The following SKAP1 variants were observed in gnomAD, a reference collection of about 807,000 sequenced individuals.
The protein encoded by SKAP1 is src kinase-associated phosphoprotein 1.
Under a neutral mutation model 58.5 loss-of-function variants are expected in SKAP1, and 44 were observed. The observed-to-expected ratio is 0.75, with a 90% CI of 0.59 to 0.97. The LOEUF is 0.97. SKAP1 is among the 50% of genes least tolerant of loss of function. The pLI, the probability that SKAP1 is intolerant of heterozygous loss-of-function variation, is 0.00. For missense variants in SKAP1, 390 were observed against 435.2 expected, an observed-to-expected ratio of 0.90 and a Z score of 0.92; for synonymous variants, 127 against 149.7, an observed-to-expected ratio of 0.85 and a Z score of 1.11.
chr17:48,326,812 C>T (rs2066443150), intron 4 of SKAP1, among the ~76,000 whole-genome samples: 2 of 151,862 alleles, frequency 1.3e-5, no homozygotes, highest in Non-Finnish European at 2.9e-5. Flanking sequence ...TAAAGCTCTC[C>T]AATCTAAAAT....
chr17:48,386,932 GT>G (rs146012429), intron 2 of SKAP1, among the ~76,000 whole-genome samples: 1 of 152,334 alleles, frequency 6.6e-6, no homozygotes, highest in African/African-American at 2.4e-5. Flanking sequence ...ATTAATTCTA[GT>G]TATGCCATAT....
intron 4 of SKAP1, among the ~76,000 whole-genome samples, chr17:48,253,500 C>A (rs921960034): frequency 1.3e-5 from 2 of 152,098 alleles, no homozygotes; most frequent in Non-Finnish European, 2.9e-5. Context: ...TAAAATTACA[C>A]GTGGCATTTC....
At chr17:48,394,381 G>A (rs142498284) in intron 2 of SKAP1, among the ~76,000 whole-genome samples, 274 of 150,838 alleles carry the variant, frequency 1.8e-3, no homozygotes, top group African/African-American at 6.3e-3. Context: ...TCACTTGGTC[G>A]CCCAGGCTGA....
At chr17:48,313,473 C>G (rs758704206) in intron 4 of SKAP1, among the ~76,000 whole-genome samples, 3 of 152,142 alleles carry the variant, frequency 2.0e-5, no homozygotes, top group Non-Finnish European at 4.4e-5. Flanking sequence ...TTGGTCCCTT[C>G]CCTGAACCCA....
chr17:48,412,196 TA>T (rs956854903), intron 1 of SKAP1, among the ~76,000 whole-genome samples: 2 of 151,966 alleles, frequency 1.3e-5, no homozygotes, highest in East Asian at 1.9e-4. Flanking sequence ...GTTTTGCAAA[TA>T]AAAAAAAGAT....
chr17:48,236,466 A>G (rs2065182142), intron 4 of SKAP1, among the ~76,000 whole-genome samples: 1 of 152,220 alleles, frequency 6.6e-6, no homozygotes. Flanking sequence ...TATTCCTTGT[A>G]TTAATGAATG....
intron 4 of SKAP1, among the ~76,000 whole-genome samples, chr17:48,317,860 C>G (rs1458648279): frequency 6.6e-6 from 1 of 151,500 alleles, no homozygotes; most frequent in East Asian, 1.9e-4. Flanking sequence ...GAGAAGCAAT[C>G]AAAGGGTAGA....
intron 4 of SKAP1, among the ~76,000 whole-genome samples, chr17:48,304,476 T>C (rs570423621): frequency 2.0e-5 from 3 of 152,192 alleles, no homozygotes; most frequent in Non-Finnish European, 2.9e-5. Flanking sequence ...AGTGTAGAAT[T>C]GTGTAGAAGA....
intron 7 of SKAP1, among the ~76,000 whole-genome samples, chr17:48,183,277 G>A (rs1002289686): frequency 6.6e-6 from 1 of 152,138 alleles, no homozygotes; most frequent in Non-Finnish European, 1.5e-5. Context: ...TGATAGCTGT[G>A]GGAATAAATA....
chr17:48,162,462 T>C lies in SKAP1; in HGVS notation c.978+7A>G. ...TTCTATTTAAGCCCCACACTTTCTG[T>C]CCTTACCTTGCTCAGAATACGGATG... is the stretch of plus-strand genomic sequence containing the variant. On this transcript the variant is annotated splice_region_variant and intron_variant, in intron 11 of 12. Transcript: ENST00000336915. The C allele has an allele frequency of 6.2e-7, 1 of 1,606,236 alleles. No individual in the cohort carries two copies. Among genetic ancestry groups the C allele is most frequent in the Non-Finnish European group, 8.5e-7 (1 of 1,173,552 alleles).
At chr17:48,290,169 G>C (rs9901279) in intron 4 of SKAP1, among the ~76,000 whole-genome samples, 50,067 of 151,882 alleles carry the variant, frequency 0.33, 8,968 homozygotes, top group African/African-American at 0.47. Context: ...ATAACAATTC[G>C]TCTATGAGGC....
chr17:48,385,339 T>C (rs2067262617), intron 2 of SKAP1, among the ~76,000 whole-genome samples: 2 of 151,316 alleles, frequency 1.3e-5, no homozygotes, highest in Admixed American at 1.3e-4. Context: ...AAAAAATAGA[T>C]GCAAAGACAG....
chr17:48,207,199 CA>C (rs1273928523), intron 4 of SKAP1, among the ~76,000 whole-genome samples: 6 of 151,900 alleles, frequency 3.9e-5, no homozygotes, highest in African/African-American at 1.5e-4. Context: ...AAACCACTTG[CA>C]CAGGTTGGGC....
At chr17:48,189,751 T>C (rs2064512542) in intron 4 of SKAP1, among the ~76,000 whole-genome samples, 1 of 151,968 alleles carries the variant, frequency 6.6e-6, no homozygotes, top group Non-Finnish European at 1.5e-5. Context: ...CTCGGCTCAC[T>C]GCAACCTCTG....
At chr17:48,282,636 T>C (rs1270984768) in intron 4 of SKAP1, among the ~76,000 whole-genome samples, 1 of 151,980 alleles carries the variant, frequency 6.6e-6, no homozygotes, top group Non-Finnish European at 1.5e-5. Context: ...CAGCCAAGCA[T>C]TGTGGTGTAC....
rs577679439 is a variant in SKAP1, at chr17:48,138,895, T to A, written c.979-1558A>T. 4.1e-4 allele frequency among the ~76,000 whole-genome samples: 59 copies of A among 143,638 alleles called. 1 individual carries two copies. Among genetic ancestry groups the A allele is most frequent in the African/African-American group, 9.6e-4 (36 of 37,526 alleles). 94.2% of individuals were successfully genotyped at this position (143,638 alleles called of 152,430 possible). On this transcript the variant is annotated intron_variant, in intron 11 of 12. Transcript: ENST00000336915. ...AAGTAAAATTAGAATGAAAAAAAAA[T>A]TTTTTTTTTTTGAGACAGAGTCTCA... is the stretch of plus-strand genomic sequence containing the variant.
chr17:48,431,364 G>A (rs2067914418), upstream of SKAP1, among the ~76,000 whole-genome samples: 1 of 152,204 alleles, frequency 6.6e-6, no homozygotes, highest in Non-Finnish European at 1.5e-5. Flanking sequence ...GTGTTTAAAG[G>A]TGCATGTGGT....
At chr17:48,151,789 C>A (rs1208180501) in intron 11 of SKAP1, among the ~76,000 whole-genome samples, 1 of 152,172 alleles carries the variant, frequency 6.6e-6, no homozygotes, top group African/African-American at 2.4e-5. Flanking sequence ...AGAGAAACTG[C>A]AGACTCTCTT....
intron 4 of SKAP1, among the ~76,000 whole-genome samples, chr17:48,312,212 G>C (rs374671229): frequency 6.6e-6 from 1 of 152,062 alleles, no homozygotes; most frequent in Non-Finnish European, 1.5e-5. Flanking sequence ...TCCTTTTACC[G>C]GTTATGCTTC....
Sources: allele counts gnomAD v4.1 joint callset (sites outside exome capture counted in the v4.1 genomes callset), GRCh38; gene constraint gnomAD v4.1.1; transcripts MANE v1.5; gene names NCBI Gene and HGNC (gene_info 2026-07-23, HGNC 2026-07-21).